The following TFCP2L1 variants were observed in gnomAD, a reference collection of about 807,000 sequenced individuals.
The protein encoded by TFCP2L1 is transcription factor CP2 like 1.
TFCP2L1 carries 12 observed loss-of-function variants against 72.2 expected under a neutral mutation model. The observed-to-expected ratio is 0.17, with a 90% CI of 0.11 to 0.27. TFCP2L1 has a LOEUF of 0.27. Among genes scored for constraint, TFCP2L1 ranks in the 10% least tolerant of loss-of-function variants. The pLI is 1.00. For missense variants in TFCP2L1, 488 were observed against 624.6 expected (o/e 0.78, Z 2.33); for synonymous variants, 260 against 251.0 (o/e 1.04, Z -0.34).
Position 121,285,178 on chromosome 2 carries a change from A to T in TFCP2L1, c.-69T>A, listed in dbSNP as rs569290100. 19 of 1,314,888 alleles carry T rather than the reference A, an allele frequency of 1.4e-5. No homozygotes were observed. In the South Asian group the frequency reaches 3.5e-4, roughly 24 times the overall value. 81.5% of individuals were successfully genotyped at this position (1,314,888 alleles called of 1,614,324 possible). ...CAGACGCGGGGCGCGCCGAGGACCC[A>T]GCGGCGGCTTCGCGCTCCGAACCCG... On this transcript the variant is annotated 5_prime_UTR_variant, in exon 1 of 15. Transcript: ENST00000263707.
At chr2:121,264,505 C>T (rs540063595) in intron 2 of TFCP2L1, among the ~76,000 whole-genome samples, 1 of 152,210 alleles carries the variant, frequency 6.6e-6, no homozygotes, top group Non-Finnish European at 1.5e-5. Context: ...CTCGCAGTCC[C>T]CTCCTGGGAG....
chr2:121,256,038 GC>G (rs979165245), intron 2 of TFCP2L1, among the ~76,000 whole-genome samples: 1 of 152,002 alleles, frequency 6.6e-6, no homozygotes, highest in African/African-American at 2.4e-5. Flanking sequence ...ACCGTGCCCG[GC>G]CCCCCTGAAC....
rs1009290149 is a variant in TFCP2L1, at chr2:121,222,255, G to C, written c.*2086C>G. ...AAACAGTCTGGCAGTTTCTCAAAAA[G>C]TTAAAACACGGAGTTACTGTAAGAC... On this transcript the variant is annotated 3_prime_UTR_variant, in exon 15 of 15. Coordinates refer to ENST00000263707, the MANE Select transcript of TFCP2L1 (RefSeq NM_014553.3). 1 of 152,230 alleles carries C rather than the reference G, an allele frequency of 6.6e-6. No homozygotes were observed. Among genetic ancestry groups the C allele is most frequent in the Admixed American group, 6.5e-5 (1 of 15,290 alleles). The allele number at this position is 152,230 out of a possible 1,614,324, so 9.4% of individuals were successfully genotyped here.
chr2:121,245,000 G>C (rs1401297738), intron 6 of TFCP2L1, among the ~76,000 whole-genome samples: 2 of 152,200 alleles, frequency 1.3e-5, no homozygotes, highest in Non-Finnish European at 2.9e-5. Context: ...ATGGCTGTTT[G>C]CTAATCCCCA....
chr2:121,255,308 A>C (rs1686692395), intron 2 of TFCP2L1, among the ~76,000 whole-genome samples: 1 of 152,216 alleles, frequency 6.6e-6, no homozygotes, highest in South Asian at 2.1e-4. Context: ...CCAGGAGGGA[A>C]AACAAATCAT....
chr2:121,255,606 G>A (rs536365847), intron 2 of TFCP2L1, among the ~76,000 whole-genome samples: 1 of 152,334 alleles, frequency 6.6e-6, no homozygotes, highest in South Asian at 2.1e-4. Context: ...TGGTCTGTCT[G>A]ACGCCGAAGG....
At chr2:121,282,985 C>T (rs1257105720) in intron 1 of TFCP2L1, among the ~76,000 whole-genome samples, 3 of 152,204 alleles carry the variant, frequency 2.0e-5, no homozygotes, top group Non-Finnish European at 2.9e-5. Flanking sequence ...CCCCACAGGG[C>T]GTCTTCCTTT....
chr2:121,251,233 G>C lies in TFCP2L1; in HGVS notation c.215-1586C>G, dbSNP rs1267089678. On this transcript the variant is annotated intron_variant, in intron 2 of 14. Coordinates refer to ENST00000263707, the MANE Select transcript of TFCP2L1 (RefSeq NM_014553.3). Reference sequence around the variant, plus strand: ...ATTGTGCCACTGCACTCCAGCCTGGGCGAGAGAGTGAGACTTGGTCTCAAA... The same window carrying C: ...ATTGTGCCACTGCACTCCAGCCTGGCCGAGAGAGTGAGACTTGGTCTCAAA... 4.6e-5 allele frequency among the ~76,000 whole-genome samples: 7 copies of C among 152,022 alleles called. No homozygotes were observed. In the East Asian group the frequency reaches 1.4e-3, roughly 30 times the overall value.
At chr2:121,250,244 C>T (rs917458958) in intron 2 of TFCP2L1, among the ~76,000 whole-genome samples, 1 of 151,968 alleles carries the variant, frequency 6.6e-6, no homozygotes, top group Admixed American at 6.6e-5. Flanking sequence ...AACAACAGAA[C>T]ATTTAAAAGC....
At chr2:121,234,413 C>A (rs571204163) in intron 11 of TFCP2L1, 2 of 542,398 alleles carry the variant, frequency 3.7e-6, no homozygotes, top group South Asian at 2.1e-5. Flanking sequence ...ACATACAAGA[C>A]GTTTTCAGGC....
chr2:121,276,333 GTGTT>G (rs1687146355), intron 2 of TFCP2L1, among the ~76,000 whole-genome samples: 1 of 110,554 alleles, frequency 9.0e-6, no homozygotes, highest in Non-Finnish European at 2.1e-5. Context: ...TTCTGTTCCT[GTGTT>G]AGTTTGCTGA....
At chr2:121,281,299 G>T in intron 1 of TFCP2L1, 28 bp from the exon 2 acceptor site, 1 of 1,568,158 alleles carries the variant, frequency 6.4e-7, no homozygotes. Flanking sequence ...CAGAGGTCAG[G>T]AGCAGAGCCC....
In TFCP2L1 at chr2:121,281,179, C is replaced by A. The variant is rs913344021; in HGVS notation, c.155G>T (p.Cys52Phe). The A allele has an allele frequency of 2.6e-5, 42 of 1,613,640 alleles. No homozygotes were observed. Among genetic ancestry groups the A allele is most frequent in the Non-Finnish European group, 3.6e-5 (42 of 1,180,010 alleles). ...ARLPPLQYVL[C>F]AATSPAVKLH... is the part of the protein sequence containing the mutation. ...CTTCACGGCTGGGGACGTGGCAGCA[C>A]ACAACACATATTGCAGGGGTGGCAG... The change falls in exon 2 of 15, where the codon TGT becomes TTT. Residue 52 changes from cysteine (C) to phenylalanine (F), a missense_variant. Around this residue, in one of 3 missense-constraint regions of TFCP2L1, gnomAD observed 129 missense variants for 236.0 expected, o/e 0.55. Transcript: ENST00000263707.
At chr2:121,232,879 G>A (rs13386106) in intron 12 of TFCP2L1, among the ~76,000 whole-genome samples, 2,712 of 152,212 alleles carry the variant, frequency 0.018, 98 homozygotes, top group African/African-American at 0.06. Context: ...AAATGCCACC[G>A]GCAACCCAGG....
At chr2:121,275,201 G>A (rs1176291707) in intron 2 of TFCP2L1, among the ~76,000 whole-genome samples, 8 of 151,780 alleles carry the variant, frequency 5.3e-5, no homozygotes, top group African/African-American at 7.3e-5. Flanking sequence ...TGGCTAACAC[G>A]GTGAAACCCC....
Position 121,222,346 on chromosome 2 carries a change from T to C in TFCP2L1, c.*1995A>G, listed in dbSNP as rs1239628364. 1 of 152,206 alleles carries C rather than the reference T, an allele frequency of 6.6e-6. No individual in the cohort carries two copies. The highest frequency in any genetic ancestry group is 1.5e-5 in the Non-Finnish European group (1 of 68,042). 9.4% of individuals were successfully genotyped at this position (152,206 alleles called of 1,614,324 possible). A position where few individuals can be genotyped will look rare whatever the true frequency, so the allele number is the denominator to read the frequency against. Reference sequence around the variant, plus strand: ...AAACATATGTCCACACAAAATCTTGTAGAAATATGTTCATAGCAGCATCAT... The same window carrying C: ...AAACATATGTCCACACAAAATCTTGCAGAAATATGTTCATAGCAGCATCAT... On this transcript the variant is annotated 3_prime_UTR_variant, in exon 15 of 15. Transcript: ENST00000263707.
At position 121,231,968 on chromosome 2, in the gene TFCP2L1, A is replaced by G; in HGVS notation, c.1199T>C (p.Val400Ala). 1 of 1,589,342 alleles carries G rather than the reference A, an allele frequency of 6.3e-7. No individual in the cohort carries two copies. The highest frequency in any genetic ancestry group is 8.6e-7 in the Non-Finnish European group (1 of 1,164,212). The change falls in exon 13 of 15, where the codon GTG becomes GCG. Residue 400 changes from valine (V) to alanine (A), a missense_variant and splice_region_variant. Physicochemically the swap from Val to Ala is moderately conservative, Grantham distance 64 (BLOSUM62 0). Coordinates refer to ENST00000263707, the MANE Select transcript of TFCP2L1 (RefSeq NM_014553.3). ...RDGSGDSNLS[V>A]YHAIFLEELT... The stretch of plus-strand genomic sequence containing the variant: ...CTCTTCCAGGAAGATGGCGTGGTAC[A>G]CTGGGGGAAGGAGGAGCAAGTGCTG...
chr2:121,234,034 G>C, intron 12 of TFCP2L1, 57 bp downstream of exon 12: 1 of 1,513,854 alleles, frequency 6.6e-7, no homozygotes, highest in Non-Finnish European at 9.1e-7. Context: ...CTGCGGGCTT[G>C]AAAGCCAGGC....
rs894445974 is a variant in TFCP2L1, at chr2:121,222,322, A to T, written c.*2019T>A. ...TATGTATATTGCTAAAAGAAATGAA[A>T]ACATATGTCCACACAAAATCTTGTA... is the stretch of plus-strand genomic sequence containing the variant. On this transcript the variant is annotated 3_prime_UTR_variant, in exon 15 of 15. Transcript: ENST00000263707. The T allele has an allele frequency of 1.3e-5, 2 of 152,224 alleles. No homozygotes were observed. The highest frequency in any genetic ancestry group is 2.9e-5 in the Non-Finnish European group (2 of 68,042). The allele number at this position is 152,224 out of a possible 1,614,324, so 9.4% of individuals were successfully genotyped here. A position where few individuals can be genotyped will look rare whatever the true frequency, so the allele number is the denominator to read the frequency against.
Sources: allele counts gnomAD v4.1 joint callset (sites outside exome capture counted in the v4.1 genomes callset), GRCh38; gene constraint gnomAD v4.1.1; regional missense constraint gnomAD v4.1.1; transcripts MANE v1.5; gene names NCBI Gene and HGNC (gene_info 2026-07-23, HGNC 2026-07-21).